The following PHLDB2 variants were observed in gnomAD, a reference collection of about 807,000 sequenced individuals.
The protein encoded by PHLDB2 is pleckstrin homology like domain family B member 2, also known as pleckstrin homology-like domain family B member 2.
In PHLDB2, 71 loss-of-function variants were observed where a neutral mutation model predicts 123.6. The observed-to-expected ratio is 0.57, with a 90% CI of 0.47 to 0.70. PHLDB2 has a LOEUF of 0.70. Among genes scored for constraint, PHLDB2 ranks in the 30% least tolerant of loss-of-function variants. The pLI, the probability that PHLDB2 is intolerant of heterozygous loss-of-function variation, is 0.00. For synonymous variants in PHLDB2, 547 were observed against 541.6 expected (o/e 1.01, Z -0.14); for missense variants, 1,446 against 1,519.5 (o/e 0.95, Z 0.80).
intron 1 of PHLDB2, among the ~76,000 whole-genome samples, chr3:111,818,413 T>C (rs563785472): frequency 6.6e-6 from 1 of 152,298 alleles, no homozygotes; most frequent in Non-Finnish European, 1.5e-5. Flanking sequence ...ACATGGGCTA[T>C]TAGTACTAAG....
chr3:111,874,007 A>G (rs914708139), intron 1 of PHLDB2, among the ~76,000 whole-genome samples: 3 of 152,246 alleles, frequency 2.0e-5, no homozygotes, highest in Non-Finnish European at 2.9e-5. Context: ...ATAGAAAATA[A>G]TGATTTTTCC....
chr3:111,883,875 A>G, intron 1 of PHLDB2, 189 bp from the exon 2 acceptor site: 1 of 559,448 alleles, frequency 1.8e-6, no homozygotes, highest in African/African-American at 1.9e-5. Flanking sequence ...AAGTTATCTC[A>G]GGTCAATGAT....
At chr3:111,778,101 T>C (rs779339447) in intron 1 of PHLDB2, among the ~76,000 whole-genome samples, 2 of 152,020 alleles carry the variant, frequency 1.3e-5, no homozygotes, top group African/African-American at 4.8e-5. Flanking sequence ...ATTTTGAAAA[T>C]AGGGATACTG....
chr3:111,778,657 A>G (rs2060311687), intron 1 of PHLDB2, among the ~76,000 whole-genome samples: 1 of 152,072 alleles, frequency 6.6e-6, no homozygotes, highest in Non-Finnish European at 1.5e-5. Flanking sequence ...GCTCTCATGT[A>G]AAATGTGCTT....
intron 1 of PHLDB2, among the ~76,000 whole-genome samples, chr3:111,751,446 C>T (rs961006726): frequency 6.6e-6 from 1 of 152,152 alleles, no homozygotes; most frequent in Non-Finnish European, 1.5e-5. Flanking sequence ...TCCTTAGAAA[C>T]ACAGCCCGTG....
At chr3:111,896,315 A>C (rs1398958448) in intron 2 of PHLDB2, among the ~76,000 whole-genome samples, 1 of 151,048 alleles carries the variant, frequency 6.6e-6, no homozygotes, top group Non-Finnish European at 1.5e-5. Flanking sequence ...TCATCAGCTA[A>C]TAGGTTTAGT....
Position 111,969,866 on chromosome 3 carries a change from G to C in PHLDB2, c.3492G>C (p.Trp1164Cys). The change falls in exon 16 of 18, where the codon TGG becomes TGC. Residue 1164 changes from tryptophan to cysteine, a missense_variant. Physicochemically the swap from Trp to Cys is radical, Grantham distance 215. This residue lies in a region of PHLDB2 where 594 missense variants were observed against 646.0 expected (regional missense o/e 0.92). Coordinates refer to ENST00000431670, the MANE Select transcript of PHLDB2 (RefSeq NM_001134438.2). ...AAATTAAAACGTGGAAAAAACGTTG[G>C]TTTGTTTTTGATCGGAACAAGCGAA... ...GGKIKTWKKR[W>C]FVFDRNKRTF... 6.2e-7 allele frequency: 1 copy of C among 1,613,978 alleles called. No individual in the cohort carries two copies.
chr3:111,829,626 G>C (rs1364193886), intron 1 of PHLDB2, among the ~76,000 whole-genome samples: 1 of 151,786 alleles, frequency 6.6e-6, no homozygotes. Flanking sequence ...ACCACGCCCA[G>C]CTAATTTTTG....
At position 111,974,805 on chromosome 3, in the gene PHLDB2, A is replaced by C. The variant is rs2072445260; in HGVS notation, c.*242A>C. The C allele has an allele frequency of 6.2e-6, 2 of 322,398 alleles. No homozygotes were observed. The highest frequency in any genetic ancestry group is 1.1e-5 in the Non-Finnish European group (2 of 180,008). The allele number at this position is 322,398 out of a possible 1,614,324, so 20.0% of individuals were successfully genotyped here. A position where few individuals can be genotyped will look rare whatever the true frequency, so the allele number is the denominator to read the frequency against. Reference sequence around the variant, plus strand: ...TGAGAAAGAAAACACTATTTTGATAAATTGGATCACTTATAGGAACATTTC... The same window carrying C: ...TGAGAAAGAAAACACTATTTTGATACATTGGATCACTTATAGGAACATTTC... On this transcript the variant is annotated 3_prime_UTR_variant, in exon 18 of 18. Coordinates refer to ENST00000431670, the MANE Select transcript of PHLDB2 (RefSeq NM_001134438.2).
chr3:111,873,504 G>A (rs1184628699), intron 1 of PHLDB2, among the ~76,000 whole-genome samples: 2 of 152,086 alleles, frequency 1.3e-5, no homozygotes, highest in Non-Finnish European at 2.9e-5. Flanking sequence ...TTATACTGCT[G>A]AGTCAAAAGC....
intron 1 of PHLDB2, among the ~76,000 whole-genome samples, chr3:111,758,947 C>T (rs2059948671): frequency 6.6e-6 from 1 of 152,100 alleles, no homozygotes. Flanking sequence ...TGGGTCCTAT[C>T]AATATGGGGC....
intron 2 of PHLDB2, among the ~76,000 whole-genome samples, chr3:111,888,941 C>T (rs2107356692): frequency 6.6e-6 from 1 of 152,232 alleles, no homozygotes; most frequent in African/African-American, 2.4e-5. Flanking sequence ...TGTTCTCTTC[C>T]ACATTCTGGA....
chr3:111,809,427 G>A (rs933436206), intron 1 of PHLDB2, among the ~76,000 whole-genome samples: 1 of 152,232 alleles, frequency 6.6e-6, no homozygotes, highest in South Asian at 2.1e-4. Context: ...TCTATGGCAT[G>A]TCAGTAATCT....
intron 4 of PHLDB2, 123 bp downstream of exon 4, chr3:111,919,338 A>G (rs2068359483): frequency 2.0e-6 from 2 of 1,005,314 alleles, no homozygotes; most frequent in Non-Finnish European, 1.5e-6. Context: ...ACATTTATTC[A>G]GTGGGTTCCC....
chr3:111,839,591 T>A (rs1467079360), intron 1 of PHLDB2, among the ~76,000 whole-genome samples: 1 of 152,238 alleles, frequency 6.6e-6, no homozygotes. Flanking sequence ...TCAGATTCTC[T>A]GGGTAAACTA....
intron 12 of PHLDB2, chr3:111,961,841 C>G (rs1205078995): frequency 2.4e-6 from 1 of 422,116 alleles, no homozygotes; most frequent in Admixed American, 4.8e-5. Context: ...TTGTGTGTTG[C>G]TGGTTGTGCT....
chr3:111,822,686 G>A (rs368343636), intron 1 of PHLDB2, among the ~76,000 whole-genome samples: 12 of 152,198 alleles, frequency 7.9e-5, no homozygotes, highest in South Asian at 4.2e-4. Context: ...AAAGCCTGAC[G>A]TCAAAGGAAA....
intron 1 of PHLDB2, among the ~76,000 whole-genome samples, chr3:111,877,783 A>T (rs2065710165): frequency 6.6e-6 from 1 of 152,180 alleles, no homozygotes; most frequent in East Asian, 1.9e-4. Flanking sequence ...TTTTCTGTAT[A>T]TGGCTAGCCA....
Position 111,770,261 on chromosome 3 carries a change from G to A in PHLDB2, c.-49+37558G>A, listed in dbSNP as rs866168394. On this transcript the variant is annotated intron_variant, in intron 1 of 17. Transcript: ENST00000393923. ...TTTTTGGGATATGGGAACTCAGCCTGGGGAAACATTTACTATCCCTAAGCA... is the reference window on the plus strand; with the variant it reads ...TTTTTGGGATATGGGAACTCAGCCTAGGGAAACATTTACTATCCCTAAGCA... Among the ~76,000 whole-genome samples the A allele has an allele frequency of 2.0e-5, 3 of 152,220 alleles. No homozygotes were observed. The Middle Eastern group carries it at 0.01, about 518-fold the overall frequency.
Sources: allele counts gnomAD v4.1 joint callset (sites outside exome capture counted in the v4.1 genomes callset), GRCh38; gene constraint gnomAD v4.1.1; regional missense constraint gnomAD v4.1.1; transcripts MANE v1.5; gene names NCBI Gene and HGNC (gene_info 2026-07-23, HGNC 2026-07-21).